FAM131B: variants seen among roughly 807,000 people sequenced by gnomAD.
FAM131B encodes protein FAM131B.
In FAM131B, 19 loss-of-function variants were observed where a neutral mutation model predicts 42.0. That is an observed-to-expected ratio of 0.45 (90% confidence interval 0.32 to 0.66). FAM131B has a LOEUF of 0.66. Among genes scored for constraint, FAM131B ranks in the 30% least tolerant of loss-of-function variants. FAM131B has a pLI of 0.05. For missense variants in FAM131B, 370 were observed against 468.4 expected (o/e 0.79, Z 1.94); for synonymous variants, 183 against 177.6 (o/e 1.03, Z -0.24).
chr7:143,356,018 C>CA lies in FAM131B; in HGVS notation c.*531dup, dbSNP rs896123942. ...CCTCCCCATGGACGTGCCCTTCAGG[C>CA]AGCCTCCCCTGCGCCTGTCCAGCCA... On this transcript the variant is annotated 3_prime_UTR_variant, in exon 7 of 7. Transcript: ENST00000443739. This position sits in a 1 kb window ranked among gnomAD's most constrained non-coding sequence, Gnocchi z 4.4. 6.3e-6 allele frequency: 1 copy of CA among 158,634 alleles called. No homozygotes were observed. The highest frequency in any genetic ancestry group is 2.4e-5 in the African/African-American group (1 of 41,484). The allele number at this position is 158,634 out of a possible 1,614,324, so 9.8% of individuals were successfully genotyped here.
At chr7:143,380,426 C>T in the FAM131B span, 6 of 985,346 alleles carry the variant, frequency 6.1e-6, no homozygotes, top group East Asian at 3.4e-4. The surrounding 1 kb of genome is among the most constrained non-coding windows in gnomAD (Gnocchi z 5.0). Flanking sequence ...CCAAGAGCCC[C>T]ACCGTCGCCC....
Position 143,359,156 on chromosome 7 carries a change from G to T in FAM131B, c.269-132C>A. The T allele has an allele frequency of 1.9e-6, 2 of 1,067,356 alleles. No homozygotes were observed. The highest frequency in any genetic ancestry group is 2.8e-6 in the Non-Finnish European group (2 of 726,032). 66.1% of individuals were successfully genotyped at this position (1,067,356 alleles called of 1,614,324 possible). A position where few individuals can be genotyped will look rare whatever the true frequency, so the allele number is the denominator to read the frequency against. ...GCCAGGCTCCCCTAAGGACTCCATA[G>T]ATGGGGTAGTGGAGGGAATGGCCTG... is the stretch of plus-strand genomic sequence containing the variant. On this transcript the variant is annotated intron_variant, in intron 4 of 6. Transcript: ENST00000443739. This position sits in a 1 kb window ranked among gnomAD's most constrained non-coding sequence, Gnocchi z 5.4.
At chr7:143,381,173 CT>C in the FAM131B span, 4 of 989,842 alleles carry the variant, frequency 4.0e-6, no homozygotes, top group Non-Finnish European at 4.8e-6. Flanking sequence ...ATCAGGGCCC[CT>C]TCCTGGGGGA....
rs1803629029 is a variant in FAM131B at position 143,355,960 on chromosome 7, A to T, written c.*590T>A. On this transcript the variant is annotated 3_prime_UTR_variant, in exon 7 of 7. Transcript: ENST00000443739. This position sits in a 1 kb window ranked among gnomAD's most constrained non-coding sequence, Gnocchi z 4.1. ...CCTCCTCCTCGACTCCTGATCTCAGAAGCCAAATGACCTGCTGAGGCAGCC... is the reference window on the plus strand; with the variant it reads ...CCTCCTCCTCGACTCCTGATCTCAGTAGCCAAATGACCTGCTGAGGCAGCC... 6.4e-6 allele frequency: 1 copy of T among 155,420 alleles called. No individual in the cohort carries two copies. The highest frequency in any genetic ancestry group is 6.3e-5 in the Admixed American group (1 of 15,792). The allele number at this position is 155,420 out of a possible 1,614,324, so 9.6% of individuals were successfully genotyped here.
chr7:143,376,674 C>T, the FAM131B span, among the ~76,000 whole-genome samples: 1 of 152,196 alleles, frequency 6.6e-6, no homozygotes, highest in African/African-American at 2.4e-5. Context: ...TCATCATCCA[C>T]CGTGTCTGCA....
In FAM131B at chr7:143,355,285, G is replaced by T. The variant is rs1328021828; in HGVS notation, c.*1265C>A. ...GTCCCCACCAGCATGGATGCCAAGT[G>T]TGGGAGGGCAAGCTTGTGCCTCACC... On this transcript the variant is annotated 3_prime_UTR_variant, in exon 7 of 7. Coordinates refer to ENST00000443739, the MANE Select transcript of FAM131B (RefSeq NM_001031690.3). This position sits in a 1 kb window ranked among gnomAD's most constrained non-coding sequence, Gnocchi z 4.1. 3.3e-5 allele frequency: 5 copies of T among 152,290 alleles called. No individual in the cohort carries two copies. The highest frequency in any genetic ancestry group is 3.3e-4 in the Admixed American group (5 of 15,286). The allele number at this position is 152,290 out of a possible 1,614,324, so 9.4% of individuals were successfully genotyped here.
the FAM131B span, chr7:143,381,431 G>C: frequency 7.9e-7 from 1 of 1,267,816 alleles, no homozygotes; most frequent in Admixed American, 4.3e-5. Flanking sequence ...GGAGCGGCAG[G>C]GCGGCCCCAC....
chr7:143,381,801 A>G, the FAM131B span: 3 of 1,522,144 alleles, frequency 2.0e-6, no homozygotes, highest in Non-Finnish European at 1.8e-6. Flanking sequence ...GGCTTGGGGA[A>G]TGTACCCCGG....
Position 143,359,499 on chromosome 7 carries a change from TC to T in FAM131B, c.175-81del. ...TTATACATGGAGGAGGTTCATGGTTTCCAGGAAAAAGCATTCGAGCTAGGGC... is the reference window on the plus strand; with the variant it reads ...TTATACATGGAGGAGGTTCATGGTTTCAGGAAAAAGCATTCGAGCTAGGGC... On this transcript the variant is annotated intron_variant, in intron 3 of 6. Transcript: ENST00000443739. The surrounding 1 kb of genome is among the most constrained non-coding windows in gnomAD (Gnocchi z 5.4). The T allele has an allele frequency of 8.4e-7, 1 of 1,193,120 alleles. No homozygotes were observed. The highest frequency in any genetic ancestry group is 1.2e-6 in the Non-Finnish European group (1 of 809,926). The allele number at this position is 1,193,120 out of a possible 1,614,324, so 73.9% of individuals were successfully genotyped here.
chr7:143,367,826 G>A, the FAM131B span, among the ~76,000 whole-genome samples: 1 of 152,202 alleles, frequency 6.6e-6, no homozygotes, highest in Non-Finnish European at 1.5e-5. Context: ...GCAGGTCAAC[G>A]TCCCCAAATC....
At chr7:143,375,694 T>C in the FAM131B span, among the ~76,000 whole-genome samples, 13 of 152,180 alleles carry the variant, frequency 8.5e-5, no homozygotes, top group African/African-American at 2.4e-4. Context: ...TCAAGCAAGA[T>C]GGGTTATCTA....
chr7:143,356,231 C>T lies in FAM131B; in HGVS notation c.*319G>A. 1 of 360,130 alleles carries T rather than the reference C, an allele frequency of 2.8e-6. No homozygotes were observed. The highest frequency in any genetic ancestry group is 4.8e-5 in the East Asian group (1 of 21,034). The allele number at this position is 360,130 out of a possible 1,614,324, so 22.3% of individuals were successfully genotyped here. On this transcript the variant is annotated 3_prime_UTR_variant, in exon 7 of 7. Coordinates refer to ENST00000443739, the MANE Select transcript of FAM131B (RefSeq NM_001031690.3). This position sits in a 1 kb window ranked among gnomAD's most constrained non-coding sequence, Gnocchi z 4.4. Reference sequence around the variant, plus strand: ...TCCAGTCTTGAGCACAGCTGCGCTGCCCCCGTCCTCAGGGTGCACACACTG... The same window carrying T: ...TCCAGTCTTGAGCACAGCTGCGCTGTCCCCGTCCTCAGGGTGCACACACTG...
At chr7:143,360,336 C>T (rs1803899995) in intron 1 of FAM131B, 187 bp from the exon 2 acceptor site, 3 of 1,428,966 alleles carry the variant, frequency 2.1e-6, no homozygotes, top group Admixed American at 5.6e-5. Flanking sequence ...TTAGCTCAAC[C>T]CAGAATAGTG....
upstream of FAM131B, chr7:143,364,155 T>C (rs180884928): frequency 5.3e-5 from 8 of 152,260 alleles, no homozygotes; most frequent in Admixed American, 5.2e-4. Flanking sequence ...CCTATTTCAA[T>C]AGTGGAGAGA....
the FAM131B span, among the ~76,000 whole-genome samples, chr7:143,378,430 T>G: frequency 6.7e-6 from 1 of 149,160 alleles, no homozygotes; most frequent in Non-Finnish European, 1.5e-5. Context: ...TGGCCTGGTC[T>G]TAAGCTGTTG....
chr7:143,371,268 CA>C, the FAM131B span, among the ~76,000 whole-genome samples: 4 of 152,002 alleles, frequency 2.6e-5, no homozygotes, highest in Admixed American at 1.3e-4. Context: ...GGGGGAGTGC[CA>C]AAACCCAGGA....
At chr7:143,373,110 C>A in the FAM131B span, among the ~76,000 whole-genome samples, 6 of 151,934 alleles carry the variant, frequency 3.9e-5, no homozygotes, top group Non-Finnish European at 7.4e-5. Flanking sequence ...TGGCCAGGCA[C>A]CGTGGCTCAC....
At chr7:143,360,255 T>A in intron 1 of FAM131B, 106 bp from the exon 2 acceptor site, 1 of 1,519,948 alleles carries the variant, frequency 6.6e-7, no homozygotes, top group Non-Finnish European at 8.8e-7. Context: ...GCTGCCCATT[T>A]CCTCTTATAT....
the FAM131B span, among the ~76,000 whole-genome samples, chr7:143,370,176 T>G: frequency 8.5e-5 from 13 of 152,216 alleles, no homozygotes; most frequent in African/African-American, 3.1e-4. Context: ...GTCTTCCTTC[T>G]AAGGTGGGAG....
Sources: gnomAD v4.1 joint callset for allele counts (sites outside exome capture counted in the v4.1 genomes callset) on GRCh38, gnomAD v4.1.1 for gene constraint, Gnocchi (gnomAD v3.1) non-coding constraint, MANE v1.5 for transcripts, NCBI Gene and HGNC (gene_info 2026-07-23, HGNC 2026-07-21) for gene names.